Variants in NPAS3 observed in about 807,000 individuals in gnomAD.
The protein encoded by NPAS3 is neuronal PAS domain protein 3, also known as neuronal PAS domain-containing protein 3.
A neutral mutation model predicts 73.1 loss-of-function variants in NPAS3; 14 were observed. The ratio of observed to expected loss-of-function variants is 0.19; its 90% CI spans 0.13 to 0.30. The LOEUF (loss-of-function observed/expected upper bound fraction) is 0.30. Among genes scored for constraint, NPAS3 ranks in the 10% least tolerant of loss-of-function variants. The pLI, the probability that NPAS3 is intolerant of heterozygous loss-of-function variation, is 1.00. For missense variants in NPAS3, 1,096 were observed against 1,250.0 expected, an observed-to-expected ratio of 0.88 and a Z score of 1.86; for synonymous variants, 620 against 541.5, an observed-to-expected ratio of 1.14 and a Z score of -2.01.
At chr14:33,062,260 A>T (rs1280997500) in intron 2 of NPAS3, among the ~76,000 whole-genome samples, 1 of 151,812 alleles carries the variant, frequency 6.6e-6, no homozygotes, top group Non-Finnish European at 1.5e-5. Context: ...GCAAGAAGGA[A>T]TGTGATCTCA....
At chr14:33,059,186 G>T (rs1331791255) in intron 2 of NPAS3, among the ~76,000 whole-genome samples, 1 of 152,106 alleles carries the variant, frequency 6.6e-6, no homozygotes, top group Non-Finnish European at 1.5e-5. Flanking sequence ...GCTCATATTT[G>T]TTCCAACTAT....
intron 2 of NPAS3, among the ~76,000 whole-genome samples, chr14:33,062,726 C>A (rs908458742): frequency 6.6e-6 from 1 of 152,208 alleles, no homozygotes; most frequent in East Asian, 1.9e-4. Flanking sequence ...TTTGTAGGCA[C>A]GCTGTTGAAC....
intron 7 of NPAS3, among the ~76,000 whole-genome samples, chr14:33,773,032 T>C (rs2062703350): frequency 6.6e-6 from 1 of 152,180 alleles, no homozygotes; most frequent in African/African-American, 2.4e-5. Context: ...TTGATCCTGC[T>C]TCCTGACTGA....
chr14:33,011,965 T>G (rs558210796), intron 1 of NPAS3, among the ~76,000 whole-genome samples: 1 of 152,280 alleles, frequency 6.6e-6, no homozygotes, highest in South Asian at 2.1e-4. Flanking sequence ...TTTCTTCTTC[T>G]TCCTTTCCCC....
chr14:33,416,190 A>T (rs1296624898), intron 4 of NPAS3, among the ~76,000 whole-genome samples: 1 of 152,110 alleles, frequency 6.6e-6, no homozygotes, highest in African/African-American at 2.4e-5. Flanking sequence ...TTTAGCATGC[A>T]CAATTTACGT....
At chr14:33,048,280 A>G (rs1208801459) in intron 1 of NPAS3, among the ~76,000 whole-genome samples, 1 of 152,256 alleles carries the variant, frequency 6.6e-6, no homozygotes, top group African/African-American at 2.4e-5. Context: ...CTAACCTAAC[A>G]TGTATACACA....
At chr14:33,550,188 T>G (rs1228193753) in intron 4 of NPAS3, among the ~76,000 whole-genome samples, 2 of 152,058 alleles carry the variant, frequency 1.3e-5, no homozygotes, top group Non-Finnish European at 2.9e-5. Context: ...ATTTGGGGTT[T>G]GTTTTGTTTT....
chr14:33,378,008 T>C (rs1205059788), intron 4 of NPAS3, among the ~76,000 whole-genome samples: 2 of 152,180 alleles, frequency 1.3e-5, no homozygotes, highest in Non-Finnish European at 2.9e-5. Context: ...CATAGTTCAA[T>C]GTAACATAGG....
chr14:33,271,969 T>G (rs2041110162), intron 3 of NPAS3, among the ~76,000 whole-genome samples: 3 of 152,190 alleles, frequency 2.0e-5, no homozygotes, highest in African/African-American at 7.2e-5. Context: ...CTGTTTTTTC[T>G]TTTTTCCAAA....
intron 4 of NPAS3, among the ~76,000 whole-genome samples, chr14:33,540,419 A>G (rs2054458586): frequency 6.6e-6 from 1 of 152,218 alleles, no homozygotes; most frequent in African/African-American, 2.4e-5. Context: ...AGCCACCCCA[A>G]GGTGACTGTT....
At position 32,972,827 on chromosome 14, in the gene NPAS3, A is replaced by AG. The variant is rs2037493767; in HGVS notation, c.50+33463dup. On this transcript the variant is annotated intron_variant, in intron 1 of 11. Coordinates refer to ENST00000356141, the Ensembl canonical transcript of NPAS3. ...ATAGAAGTGATAGAAGGATTGGAAT[A>AG]GGATAGTTTACCCTCAGATTCCATT... is the stretch of plus-strand genomic sequence containing the variant. 2.0e-5 allele frequency among the ~76,000 whole-genome samples: 3 copies of AG among 152,364 alleles called. No homozygotes were observed. The South Asian group carries it at 6.2e-4, about 32-fold the overall frequency.
chr14:33,130,534 A>G (rs1224131711), intron 2 of NPAS3, among the ~76,000 whole-genome samples: 1 of 152,204 alleles, frequency 6.6e-6, no homozygotes, highest in African/African-American at 2.4e-5. Flanking sequence ...TTTGAAATCA[A>G]TGATACTTTA....
intron 1 of NPAS3, among the ~76,000 whole-genome samples, chr14:32,994,413 C>A (rs958697362): frequency 3.3e-5 from 5 of 151,880 alleles, no homozygotes; most frequent in Admixed American, 6.6e-5. Flanking sequence ...AATAATATAT[C>A]AAAATGAAAA....
intron 3 of NPAS3, among the ~76,000 whole-genome samples, chr14:33,274,319 AT>A (rs1470913667): frequency 6.6e-6 from 1 of 152,238 alleles, no homozygotes; most frequent in Non-Finnish European, 1.5e-5. Context: ...AGGAGGCAGC[AT>A]TAGGCTAAAT....
chr14:33,567,798 A>G (rs2056033516), intron 5 of NPAS3, among the ~76,000 whole-genome samples: 1 of 152,216 alleles, frequency 6.6e-6, no homozygotes. Flanking sequence ...CTGATTTTTA[A>G]CAGGTCTTCA....
chr14:33,052,173 C>A (rs755156110), intron 1 of NPAS3, among the ~76,000 whole-genome samples: 1 of 152,172 alleles, frequency 6.6e-6, no homozygotes, highest in Non-Finnish European at 1.5e-5. Context: ...TAAGAAAGTA[C>A]CATCCCCAAG....
intron 3 of NPAS3, among the ~76,000 whole-genome samples, chr14:33,358,172 C>T (rs983985730): frequency 1.3e-5 from 2 of 152,148 alleles, no homozygotes; most frequent in East Asian, 1.9e-4. Context: ...TTGCCCAGCA[C>T]GGTGCCAAGC....
At chr14:33,375,711 A>G (rs913853709) in intron 4 of NPAS3, among the ~76,000 whole-genome samples, 1 of 152,208 alleles carries the variant, frequency 6.6e-6, no homozygotes, top group Non-Finnish European at 1.5e-5. Flanking sequence ...AGATATCAGC[A>G]TTGGCATTTA....
chr14:33,116,455 C>A (rs2043067027), intron 2 of NPAS3, among the ~76,000 whole-genome samples: 1 of 151,994 alleles, frequency 6.6e-6, no homozygotes, highest in South Asian at 2.1e-4. Flanking sequence ...TATATTTAAC[C>A]TCCTTCCAAG....
Sources: gnomAD v4.1 joint callset for allele counts (sites outside exome capture counted in the v4.1 genomes callset) on GRCh38, gnomAD v4.1.1 for gene constraint, MANE v1.5 for transcripts, NCBI Gene and HGNC (gene_info 2026-07-23, HGNC 2026-07-21) for gene names.